Variants in RNF141 observed in about 807,000 individuals in gnomAD.
The protein encoded by RNF141 is ring finger protein 141.
A neutral mutation model predicts 27.4 loss-of-function variants in RNF141; 18 were observed. The observed-to-expected ratio is 0.66, with a 90% CI of 0.45 to 0.97. The LOEUF (loss-of-function observed/expected upper bound fraction) is 0.97. Among genes scored for constraint, RNF141 ranks in the 50% least tolerant of loss-of-function variants. The pLI, the probability that RNF141 is intolerant of heterozygous loss-of-function variation, is 0.00. For missense variants in RNF141, 230 were observed against 279.4 expected (o/e 0.82, Z 1.26); for synonymous variants, 97 against 96.6 (o/e 1.00, Z -0.02).
chr11:10,520,392 C>T (rs116163993), intron 4 of RNF141, among the ~76,000 whole-genome samples: 47 of 152,194 alleles, frequency 3.1e-4, no homozygotes, highest in African/African-American at 1.1e-3. Flanking sequence ...AGACATAACA[C>T]ACACATTAGC....
chr11:10,515,003 C>A lies in RNF141; in HGVS notation c.606G>T (p.Trp202Cys). ...CTTCAGTGGGTGCATCTGATACCACCCAAGATTCATTTGCTCCAGTCATCT... is the reference window on the plus strand; with the variant it reads ...CTTCAGTGGGTGCATCTGATACCACACAAGATTCATTTGCTCCAGTCATCT... ...RLQMTGANES[W>C]VVSDAPTEDD... The change falls in exon 6 of 6, where the codon TGG becomes TGT. Residue 202 changes from tryptophan (W) to cysteine (C), a missense_variant. Physicochemically the swap from Trp to Cys is radical, Grantham distance 215. Coordinates refer to ENST00000265981, the MANE Select transcript of RNF141 (RefSeq NM_016422.4). 1 of 1,613,938 alleles carries A rather than the reference C, an allele frequency of 6.2e-7. No homozygotes were observed. Among genetic ancestry groups the A allele is most frequent in the Non-Finnish European group, 8.5e-7 (1 of 1,179,906 alleles).
Position 10,524,287 on chromosome 11 carries a change from C to T in RNF141, c.434+905G>A, listed in dbSNP as rs1265370184. On this transcript the variant is annotated intron_variant, in intron 4 of 5. Coordinates refer to ENST00000265981, the MANE Select transcript of RNF141 (RefSeq NM_016422.4). ...AAAATTAGCCGGGCGTGGTGGCGGG[C>T]GCCTGTAGTCCCAGCTACTTGGGAG... 3.9e-5 allele frequency among the ~76,000 whole-genome samples: 6 copies of T among 152,084 alleles called. No individual in the cohort carries two copies. The East Asian group carries it at 5.8e-4, about 15-fold the overall frequency.
Position 10,534,001 on chromosome 11 carries a change from A to T in RNF141, c.143+15T>A, listed in dbSNP as rs1850012067. On this transcript the variant is annotated intron_variant, in intron 2 of 5. Transcript: ENST00000265981. ...AACAAGGGGAAAAACGAAAAACAAA[A>T]AGAGCAAGCCTTACACATCATTAAG... The T allele has an allele frequency of 6.2e-7, 1 of 1,607,560 alleles. No homozygotes were observed. Among genetic ancestry groups the T allele is most frequent in the African/African-American group, 1.3e-5 (1 of 74,402 alleles).
intron 2 of RNF141, among the ~76,000 whole-genome samples, chr11:10,531,043 A>G (rs1421701449): frequency 6.6e-6 from 1 of 152,124 alleles, no homozygotes; most frequent in African/African-American, 2.4e-5. Context: ...AATTTCTAAC[A>G]AAGACATTTA....
intron 2 of RNF141, chr11:10,531,944 C>A: frequency 2.3e-6 from 1 of 440,668 alleles, no homozygotes. Context: ...GAGATCACTG[C>A]ACGTCTGAAA....
chr11:10,521,784 T>A (rs1849889715), intron 4 of RNF141, among the ~76,000 whole-genome samples: 1 of 152,200 alleles, frequency 6.6e-6, no homozygotes. Flanking sequence ...ATCATGTGTG[T>A]TTATGTCTGT....
chr11:10,515,875 T>C (rs1039935622), intron 5 of RNF141: 1 of 152,230 alleles, frequency 6.6e-6, no homozygotes, highest in African/African-American at 2.4e-5. Flanking sequence ...ACAGTAATTT[T>C]TCTGGCAGGG....
At chr11:10,518,512 A>G (rs1849860258) in intron 5 of RNF141, 1 of 152,302 alleles carries the variant, frequency 6.6e-6, no homozygotes, top group Admixed American at 6.5e-5. Flanking sequence ...ATATGATTCC[A>G]TTTATAAAAA....
intron 4 of RNF141, among the ~76,000 whole-genome samples, chr11:10,523,704 G>A (rs1849907533): frequency 6.6e-6 from 1 of 151,722 alleles, no homozygotes; most frequent in Non-Finnish European, 1.5e-5. Context: ...ACATGAAAAG[G>A]GATAACACCT....
chr11:10,524,824 GGAT>G (rs1849917898), intron 4 of RNF141, among the ~76,000 whole-genome samples: 1 of 151,972 alleles, frequency 6.6e-6, no homozygotes, highest in African/African-American at 2.4e-5. Flanking sequence ...AAAAAAAGTG[GGAT>G]GATTTTGCCA....
At chr11:10,535,714 A>C (rs886136166) in intron 1 of RNF141, among the ~76,000 whole-genome samples, 2 of 152,150 alleles carry the variant, frequency 1.3e-5, no homozygotes, top group African/African-American at 4.8e-5. Flanking sequence ...AACTTAACAA[A>C]AATCTCAAAA....
chr11:10,533,938 T>C, intron 2 of RNF141, 78 bp downstream of exon 2: 4 of 1,329,754 alleles, frequency 3.0e-6, no homozygotes, highest in Non-Finnish European at 4.2e-6. Flanking sequence ...CACCTCTGGT[T>C]ATATCTTACA....
At position 10,530,655 on chromosome 11, in the gene RNF141, C is replaced by G; in HGVS notation, c.240G>C (p.Val80=). Residue 80 remains valine, a synonymous_variant, in exon 3 of 6, where the codon GTG becomes GTC. Transcript: ENST00000265981. ...SSAFWKVVVR[V]VCTKINKSSG... ...CCATCAGTCTCACCTTGGTACAGACCACCCGTACAACCACTTTCCAAAAAG... is the reference window on the plus strand; with the variant it reads ...CCATCAGTCTCACCTTGGTACAGACGACCCGTACAACCACTTTCCAAAAAG... 16 of 1,602,992 alleles carry G rather than the reference C, an allele frequency of 1.0e-5. No homozygotes were observed. Among genetic ancestry groups the G allele is most frequent in the African/African-American group, 2.7e-5 (2 of 74,704 alleles).
intron 3 of RNF141, among the ~76,000 whole-genome samples, chr11:10,529,066 T>C (rs1430541436): frequency 2.0e-5 from 3 of 152,244 alleles, no homozygotes; most frequent in Non-Finnish European, 4.4e-5. Context: ...CAGAAACTAC[T>C]GGCTGATTAT....
chr11:10,519,237 C>T (rs536178611), intron 4 of RNF141, 96 bp from the exon 5 acceptor site: 5 of 1,004,820 alleles, frequency 5.0e-6, no homozygotes, highest in East Asian at 5.1e-5. Flanking sequence ...CATCTATATG[C>T]CCACAGTATA....
chr11:10,522,197 T>C (rs552213695), intron 4 of RNF141, among the ~76,000 whole-genome samples: 1 of 152,310 alleles, frequency 6.6e-6, no homozygotes, highest in Non-Finnish European at 1.5e-5. Context: ...AAAACCTAGA[T>C]GGATATGGGT....
intron 1 of RNF141, among the ~76,000 whole-genome samples, chr11:10,535,404 A>G (rs2133976262): frequency 6.6e-6 from 1 of 151,466 alleles, no homozygotes; most frequent in South Asian, 2.1e-4. Context: ...CCTACTTGGT[A>G]ATAATAAATA....
At chr11:10,523,448 T>C (rs1225720107) in intron 4 of RNF141, among the ~76,000 whole-genome samples, 1 of 152,226 alleles carries the variant, frequency 6.6e-6, no homozygotes, top group African/African-American at 2.4e-5. Context: ...TTAATGAGTT[T>C]ATACATGTAC....
intron 3 of RNF141, among the ~76,000 whole-genome samples, chr11:10,528,142 T>C (rs1414316771): frequency 2.0e-5 from 3 of 152,310 alleles, no homozygotes; most frequent in East Asian, 3.9e-4. Flanking sequence ...AGGATAATCA[T>C]AGCAGATGGC....
Sources: gnomAD v4.1 joint callset for allele counts (sites outside exome capture counted in the v4.1 genomes callset) on GRCh38, gnomAD v4.1.1 for gene constraint, MANE v1.5 for transcripts, NCBI Gene and HGNC (gene_info 2026-07-23, HGNC 2026-07-21) for gene names.